Variants in NECAB1 observed in about 807,000 individuals in gnomAD.
NECAB1 encodes N-terminal EF-hand calcium-binding protein 1.
NECAB1 carries 29 observed loss-of-function variants against 57.5 expected under a neutral mutation model. The observed-to-expected ratio is 0.50, with a 90% CI of 0.38 to 0.69. The LOEUF (loss-of-function observed/expected upper bound fraction) is 0.69. Ranked by LOEUF, NECAB1 falls within the 30% of genes least tolerant of loss-of-function variation. The pLI, the probability that NECAB1 is intolerant of heterozygous loss-of-function variation, is 0.00. For synonymous variants in NECAB1, 142 were observed against 147.7 expected (o/e 0.96, Z 0.28); for missense variants, 372 against 413.8 (o/e 0.90, Z 0.88).
chr8:90,878,040 C>CT (rs112006876), intron 4 of NECAB1, among the ~76,000 whole-genome samples: 444 of 145,288 alleles, frequency 3.1e-3, no homozygotes, highest in African/African-American at 7.1e-3. Context: ...CATTCTTTTT[C>CT]TTTTTTTTTT....
chr8:90,850,318 C>T (rs995949837), intron 3 of NECAB1, among the ~76,000 whole-genome samples: 1 of 152,180 alleles, frequency 6.6e-6, no homozygotes, highest in African/African-American at 2.4e-5. Flanking sequence ...AGTAATGCCC[C>T]TTGATCATAA....
chr8:90,934,370 A>G lies in NECAB1; in HGVS notation c.747+13A>G, dbSNP rs1270481023. 8 of 1,435,420 alleles carry G rather than the reference A, an allele frequency of 5.6e-6. No homozygotes were observed. In the South Asian group the frequency reaches 9.9e-5, roughly 18 times the overall value. The allele number at this position is 1,435,420 out of a possible 1,614,324, so 88.9% of individuals were successfully genotyped here. On this transcript the variant is annotated intron_variant, in intron 9 of 12. Transcript: ENST00000417640. ...GAATACTAAATCTGTAAGTATTTTTATCAGGTAAAAATGTTAGAAATATAT... is the reference window on the plus strand; with the variant it reads ...GAATACTAAATCTGTAAGTATTTTTGTCAGGTAAAAATGTTAGAAATATAT...
chr8:90,919,452 A>T lies in NECAB1; in HGVS notation c.494+1824A>T, dbSNP rs912988488. Among the ~76,000 whole-genome samples the T allele has an allele frequency of 8.5e-5, 13 of 152,322 alleles. No homozygotes were observed. In the South Asian group the frequency reaches 1.7e-3, roughly 19 times the overall value. On this transcript the variant is annotated intron_variant, in intron 6 of 12. Coordinates refer to ENST00000417640, the MANE Select transcript of NECAB1 (RefSeq NM_022351.5). ...TAGTGGAATTTTCAACCATGTGTTTACAATGTCAAAATGAGTGAGCACCAC... is the reference window on the plus strand; with the variant it reads ...TAGTGGAATTTTCAACCATGTGTTTTCAATGTCAAAATGAGTGAGCACCAC...
In NECAB1 at chr8:90,951,097, A is replaced by C. The variant is rs773517194; in HGVS notation, c.939-16A>C. 2.0e-6 allele frequency: 3 copies of C among 1,501,472 alleles called. No individual in the cohort carries two copies. The South Asian group carries it at 3.5e-5, about 18-fold the overall frequency. 93.0% of individuals were successfully genotyped at this position (1,501,472 alleles called of 1,614,324 possible). ...AAATAAAAATGCACAGCCTTAACCTATAATTATTTATACAGCCACCTTCAG... is the reference window on the plus strand; with the variant it reads ...AAATAAAAATGCACAGCCTTAACCTCTAATTATTTATACAGCCACCTTCAG... On this transcript the variant is annotated splice_polypyrimidine_tract_variant and intron_variant, in intron 11 of 12. Transcript: ENST00000417640.
At chr8:90,916,665 A>C (rs867093829) in intron 5 of NECAB1, among the ~76,000 whole-genome samples, 1 of 152,158 alleles carries the variant, frequency 6.6e-6, no homozygotes, top group Non-Finnish European at 1.5e-5. Flanking sequence ...TGGCCCTGTC[A>C]CCATCTTATT....
At chr8:90,949,087 C>G (rs887195505) in intron 10 of NECAB1, among the ~76,000 whole-genome samples, 2 of 151,522 alleles carry the variant, frequency 1.3e-5, no homozygotes, top group African/African-American at 4.8e-5. Flanking sequence ...AAACAAAAAA[C>G]CCTTGCAATT....
chr8:90,866,346 G>A (rs1795751898), intron 3 of NECAB1, among the ~76,000 whole-genome samples: 1 of 152,166 alleles, frequency 6.6e-6, no homozygotes. Context: ...TGCTTATTGG[G>A]TCAGATTCTC....
intron 5 of NECAB1, 132 bp downstream of exon 5, chr8:90,881,262 A>T: frequency 1.6e-6 from 1 of 643,384 alleles, no homozygotes; most frequent in East Asian, 2.9e-5. Flanking sequence ...ATACTAAATG[A>T]GCTATGTTAT....
At chr8:90,843,582 C>A (rs773518211) in intron 3 of NECAB1, among the ~76,000 whole-genome samples, 16 of 152,214 alleles carry the variant, frequency 1.1e-4, no homozygotes, top group African/African-American at 3.6e-4. Context: ...CTATTATACG[C>A]TCATCCGCCA....
intron 2 of NECAB1, among the ~76,000 whole-genome samples, chr8:90,822,284 C>A (rs1812155428): frequency 6.6e-6 from 1 of 151,850 alleles, no homozygotes; most frequent in Non-Finnish European, 1.5e-5. Flanking sequence ...AATACAGAAT[C>A]ATACTACAAG....
chr8:90,915,937 C>T (rs1240388609), intron 5 of NECAB1, among the ~76,000 whole-genome samples: 1 of 152,242 alleles, frequency 6.6e-6, no homozygotes, highest in Non-Finnish European at 1.5e-5. Context: ...CCATCTTCTC[C>T]TGCCTGCTTT....
chr8:90,856,381 C>T (rs1404547026), intron 3 of NECAB1, among the ~76,000 whole-genome samples: 3 of 151,936 alleles, frequency 2.0e-5, no homozygotes, highest in Non-Finnish European at 2.9e-5. Flanking sequence ...AATGATATCC[C>T]GAAGTCTAAT....
intron 1 of NECAB1, among the ~76,000 whole-genome samples, chr8:90,797,806 G>C (rs1811687347): frequency 6.6e-6 from 1 of 152,168 alleles, no homozygotes; most frequent in African/African-American, 2.4e-5. Context: ...TAATGAAAAA[G>C]CAGAGATCAT....
At chr8:90,942,698 G>A (rs1563544126) in intron 10 of NECAB1, among the ~76,000 whole-genome samples, 2 of 152,126 alleles carry the variant, frequency 1.3e-5, no homozygotes, top group Admixed American at 6.5e-5. Context: ...ACTGACCAAC[G>A]TGATGAGACC....
In NECAB1 at chr8:90,956,419, G is replaced by C. The variant is rs897044170; in HGVS notation, c.*907G>C. 1.3e-5 allele frequency: 2 copies of C among 151,880 alleles called. No individual in the cohort carries two copies. Among genetic ancestry groups the C allele is most frequent in the Non-Finnish European group, 1.5e-5 (1 of 67,874 alleles). The allele number at this position is 151,880 out of a possible 1,614,324, so 9.4% of individuals were successfully genotyped here. ...ATATAAAACAAGCACAAAATCTTAG[G>C]GAAGTCATAAAATAGTAGTGAAAGT... is the stretch of plus-strand genomic sequence containing the variant. On this transcript the variant is annotated 3_prime_UTR_variant, in exon 13 of 13. Transcript: ENST00000417640.
At chr8:90,911,516 T>G (rs1008944420) in intron 5 of NECAB1, among the ~76,000 whole-genome samples, 4 of 152,194 alleles carry the variant, frequency 2.6e-5, no homozygotes, top group African/African-American at 9.6e-5. Context: ...ATTTTGCACT[T>G]GAACTCTACA....
intron 3 of NECAB1, among the ~76,000 whole-genome samples, chr8:90,854,214 CCTTT>C (rs1198550136): frequency 3.3e-5 from 5 of 152,070 alleles, no homozygotes; most frequent in Non-Finnish European, 7.4e-5. Context: ...TTTAGTCCCC[CCTTT>C]CTATTATTGG....
In NECAB1 at chr8:90,845,419, C is replaced by T. The variant is rs77481224; in HGVS notation, c.233+20594C>T. 2.8e-3 allele frequency among the ~76,000 whole-genome samples: 420 copies of T among 152,216 alleles called. 5 individuals are homozygous for T. The highest frequency in any genetic ancestry group is 5.8e-3 in the Admixed American group (89 of 15,284). On this transcript the variant is annotated intron_variant, in intron 3 of 12. Coordinates refer to ENST00000417640, the MANE Select transcript of NECAB1 (RefSeq NM_022351.5). ...TTTTTTAAAATACCTAGCATGCATA[C>T]TTATATTATGTATTTATTTATTTTC...
At chr8:90,793,997 AG>A (rs1418902674) in intron 1 of NECAB1, among the ~76,000 whole-genome samples, 13 of 152,200 alleles carry the variant, frequency 8.5e-5, no homozygotes, top group Admixed American at 2.0e-4. Flanking sequence ...GTCTGTGAAT[AG>A]GGTGGTCTTG....
Sources: allele counts gnomAD v4.1 joint callset (sites outside exome capture counted in the v4.1 genomes callset), GRCh38; gene constraint gnomAD v4.1.1; transcripts MANE v1.5; gene names NCBI Gene and HGNC (gene_info 2026-07-23, HGNC 2026-07-21).